SHE: variants seen among roughly 807,000 people sequenced by gnomAD.
The protein encoded by SHE is Src homology 2 domain containing E, also known as SH2 domain-containing adapter protein E.
Under a neutral mutation model 49.8 loss-of-function variants are expected in SHE, and 11 were observed. The observed-to-expected ratio is 0.22, with a 90% CI of 0.14 to 0.37. SHE has a LOEUF of 0.37. SHE is among the 10% of genes least tolerant of loss of function. The pLI, the probability that SHE is intolerant of heterozygous loss-of-function variation, is 1.00. For synonymous variants in SHE, 310 were observed against 278.1 expected, an observed-to-expected ratio of 1.11 and a Z score of -1.14; for missense variants, 624 against 655.5, an observed-to-expected ratio of 0.95 and a Z score of 0.52.
chr1:154,482,853 C>A lies in SHE; in HGVS notation c.*1296G>T. Reference sequence around the variant, plus strand: ...TCTGCTTGGTACAGAACGAGAGAATCTTTGTAGGCTTTAGAGACCCAGTTC... The same window carrying A: ...TCTGCTTGGTACAGAACGAGAGAATATTTGTAGGCTTTAGAGACCCAGTTC... On this transcript the variant is annotated 3_prime_UTR_variant, in exon 6 of 6. Transcript: ENST00000304760. 1.0e-6 allele frequency: 1 copy of A among 985,422 alleles called. No individual in the cohort carries two copies. Among genetic ancestry groups the A allele is most frequent in the South Asian group, 4.7e-5 (1 of 21,286 alleles). 61.0% of individuals were successfully genotyped at this position (985,422 alleles called of 1,614,324 possible).
chr1:154,479,023 T>C (rs901736966), downstream of SHE, among the ~76,000 whole-genome samples: 4 of 152,236 alleles, frequency 2.6e-5, no homozygotes, highest in African/African-American at 9.6e-5. Flanking sequence ...CCAACAGGGC[T>C]TCTCCACCAT....
Position 154,481,654 on chromosome 1 carries a change from G to A in SHE, c.*2495C>T. Reference sequence around the variant, plus strand: ...TATTCCCTTTGTAGAATAAGGTTAAGTAAAAACGTTTCATTTCTAGAATGT... The same window carrying A: ...TATTCCCTTTGTAGAATAAGGTTAAATAAAAACGTTTCATTTCTAGAATGT... On this transcript the variant is annotated 3_prime_UTR_variant, in exon 6 of 6. Transcript: ENST00000304760. The A allele has an allele frequency of 6.1e-6, 6 of 980,632 alleles. No individual in the cohort carries two copies. The highest frequency in any genetic ancestry group is 7.3e-6 in the Non-Finnish European group (6 of 825,670). The allele number at this position is 980,632 out of a possible 1,614,324, so 60.7% of individuals were successfully genotyped here.
intron 2 of SHE, among the ~76,000 whole-genome samples, chr1:154,493,123 C>G (rs1692419251): frequency 6.6e-6 from 1 of 152,200 alleles, no homozygotes; most frequent in Admixed American, 6.5e-5. Context: ...ACTTAGAGTT[C>G]TGGGAGATAC....
At chr1:154,488,095 A>G (rs958330022) in intron 3 of SHE, among the ~76,000 whole-genome samples, 2 of 151,252 alleles carry the variant, frequency 1.3e-5, no homozygotes, top group African/African-American at 4.9e-5. Flanking sequence ...GGTGCGTGCC[A>G]CAACACCCAG....
chr1:154,489,019 A>T, intron 3 of SHE, 32 bp downstream of exon 3: 1 of 1,519,386 alleles, frequency 6.6e-7, no homozygotes, highest in Non-Finnish European at 8.8e-7. Flanking sequence ...GACTGAAGTC[A>T]CACTGGGGCG....
intron 3 of SHE, among the ~76,000 whole-genome samples, chr1:154,488,324 T>C (rs1692247539): frequency 6.6e-6 from 1 of 152,038 alleles, no homozygotes; most frequent in Non-Finnish European, 1.5e-5. Context: ...AGTGGCATGA[T>C]CTCGGCTCAC....
At chr1:154,484,544 A>G in intron 5 of SHE, 1 of 492,098 alleles carries the variant, frequency 2.0e-6, no homozygotes. Context: ...GTTTATCCTT[A>G]TCACATATGA....
chr1:154,489,277 A>G lies in SHE; in HGVS notation c.798T>C (p.Gly266=). 2 of 1,614,144 alleles carry G rather than the reference A, an allele frequency of 1.2e-6. No individual in the cohort carries two copies. Among genetic ancestry groups the G allele is most frequent in the South Asian group, 2.2e-5 (2 of 91,078 alleles). The change falls in exon 3 of 6, where the codon GGT becomes GGC. Residue 266 remains glycine, a synonymous_variant. Coordinates refer to ENST00000304760, the MANE Select transcript of SHE (RefSeq NM_001010846.3). ...TGGCCAAGGTCTCTGATTTCAGGCC[A>G]CCGTCTGCGGGTTCACAGGGACTGT... is the stretch of plus-strand genomic sequence containing the variant. ...LLDSPCEPAD[G]GLKSETLAKR... is the part of the protein sequence containing the mutation.
At chr1:154,494,509 C>T (rs1692464925) in intron 2 of SHE, among the ~76,000 whole-genome samples, 1 of 149,194 alleles carries the variant, frequency 6.7e-6, no homozygotes, top group African/African-American at 2.5e-5. Flanking sequence ...CCACCGGGCC[C>T]GGCAGATGGA....
rs377320266 is a variant in SHE at position 154,489,973 on chromosome 1, G to C, written c.719-617C>G. Among the ~76,000 whole-genome samples, 107 of 152,336 alleles carry C rather than the reference G, an allele frequency of 7.0e-4. 1 individual carries two copies. The highest frequency in any genetic ancestry group is 2.5e-3 in the African/African-American group (104 of 41,586). On this transcript the variant is annotated intron_variant, in intron 2 of 5. Coordinates refer to ENST00000304760, the MANE Select transcript of SHE (RefSeq NM_001010846.3). ...GCTCAAAGTAAAAACCAGAATGGCT[G>C]TATGTGACTCGAAGTACAATTTCTA...
At position 154,501,831 on chromosome 1, in the gene SHE, G is replaced by T; in HGVS notation, c.196C>A (p.Arg66Ser). ...GCGCCGCCCGCCTCCGAGTTCTTGC[G>T]CAATTTGCCGCCGCCGCCCCCGGGC... is the stretch of plus-strand genomic sequence containing the variant. ...AKPGGGGGKL[R>S]KNSEAGGAGP... Residue 66 changes from arginine to serine, a missense_variant, in exon 1 of 6, where the codon CGC becomes AGC. Transcript: ENST00000304760. 1 of 1,546,766 alleles carries T rather than the reference G, an allele frequency of 6.5e-7. No homozygotes were observed. The highest frequency in any genetic ancestry group is 8.7e-7 in the Non-Finnish European group (1 of 1,153,648).
At chr1:154,474,461 T>C (rs1021223785) in intron 1 of SHE, among the ~76,000 whole-genome samples, 12 of 152,212 alleles carry the variant, frequency 7.9e-5, no homozygotes, top group Non-Finnish European at 1.8e-4. Flanking sequence ...GGTTCCTTGG[T>C]ATAAACTTTG....
chr1:154,494,261 C>A (rs999853086), intron 2 of SHE, among the ~76,000 whole-genome samples: 3 of 152,054 alleles, frequency 2.0e-5, no homozygotes, highest in Non-Finnish European at 4.4e-5. Flanking sequence ...TTCAGAAACC[C>A]TGAAATTTAG....
chr1:154,501,476 G>C lies in SHE; in HGVS notation c.551C>G (p.Pro184Arg). ...SASSSPSSLGPELDKGKIIKQ... is the reference protein window; with the variant it reads ...SASSSPSSLGRELDKGKIIKQ... The stretch of plus-strand genomic sequence containing the variant: ...AATAATCTTGCCCTTGTCCAGCTCG[G>C]GCCCCAGGGAGGAAGGGGAAGAGGA... The change falls in exon 1 of 6, where the codon CCC becomes CGC. Residue 184 changes from proline (P) to arginine (R), a missense_variant. This residue lies in a region of SHE where 337 missense variants were observed against 306.0 expected (regional missense o/e 1.10). Coordinates refer to ENST00000304760, the MANE Select transcript of SHE (RefSeq NM_001010846.3). 1.2e-6 allele frequency: 2 copies of C among 1,614,154 alleles called. No individual in the cohort carries two copies. The highest frequency in any genetic ancestry group is 1.7e-6 in the Non-Finnish European group (2 of 1,180,016).
chr1:154,487,043 GC>G (rs1692200987), intron 3 of SHE, among the ~76,000 whole-genome samples: 2 of 152,180 alleles, frequency 1.3e-5, no homozygotes, highest in African/African-American at 4.8e-5. Flanking sequence ...GGAGGCCAAG[GC>G]AGGCAGATCA....
Position 154,501,976 on chromosome 1 carries a change from G to T in SHE, c.51C>A (p.Ser17=). 2 of 1,420,874 alleles carry T rather than the reference G, an allele frequency of 1.4e-6. No homozygotes were observed. The highest frequency in any genetic ancestry group is 1.8e-6 in the Non-Finnish European group (2 of 1,097,432). The allele number at this position is 1,420,874 out of a possible 1,614,324, so 88.0% of individuals were successfully genotyped here. A position where few individuals can be genotyped will look rare whatever the true frequency, so the allele number is the denominator to read the frequency against. ...PGASACLGWA[S]SLACSTAPTL... Reference sequence around the variant, plus strand: ...TCGGGGCCGTGGAGCAGGCGAGCGAGGAAGCCCAGCCCAGACACGCAGAGG... The same window carrying T: ...TCGGGGCCGTGGAGCAGGCGAGCGATGAAGCCCAGCCCAGACACGCAGAGG... Residue 17 remains serine, a synonymous_variant, in exon 1 of 6, where the codon TCC becomes TCA. Transcript: ENST00000304760.
Position 154,489,143 on chromosome 1 carries a change from T to A in SHE, c.932A>T (p.Asp311Val). The A allele has an allele frequency of 1.2e-6, 2 of 1,614,070 alleles. No individual in the cohort carries two copies. Among genetic ancestry groups the A allele is most frequent in the Non-Finnish European group, 8.5e-7 (1 of 1,179,974 alleles). The change falls in exon 3 of 6, where the codon GAC becomes GTC. Residue 311 changes from aspartate to valine, a missense_variant. Coordinates refer to ENST00000304760, the MANE Select transcript of SHE (RefSeq NM_001010846.3). The stretch of plus-strand genomic sequence containing the variant: ...CTCGTCGTTCTCGGGCAGCCGGCTG[T>A]CTGGGGGCCGCGCCTTCCCCTCTGC... The part of the protein sequence containing the change: ...PRAEGKARPP[D>V]SRLPENDERP...
rs1692083286 is a variant in SHE at position 154,483,685 on chromosome 1, G to A, written c.*464C>T. On this transcript the variant is annotated 3_prime_UTR_variant, in exon 6 of 6. Transcript: ENST00000304760. ...GGACAGGCCACAAACAAAGTGTCAT[G>A]GAATCACTTTAAGACCAAAGACTTG... The A allele has an allele frequency of 1.0e-6, 1 of 988,386 alleles. No individual in the cohort carries two copies. The highest frequency in any genetic ancestry group is 6.0e-5 in the Admixed American group (1 of 16,708). 61.2% of individuals were successfully genotyped at this position (988,386 alleles called of 1,614,324 possible).
chr1:154,472,324 T>A (rs1691766095), intron 1 of SHE, among the ~76,000 whole-genome samples: 1 of 152,178 alleles, frequency 6.6e-6, no homozygotes, highest in Non-Finnish European at 1.5e-5. Context: ...GGCAGCGTGT[T>A]TTCCTGCAGA....
Sources: allele counts gnomAD v4.1 joint callset (sites outside exome capture counted in the v4.1 genomes callset), GRCh38; gene constraint gnomAD v4.1.1; regional missense constraint gnomAD v4.1.1; transcripts MANE v1.5; gene names NCBI Gene and HGNC (gene_info 2026-07-23, HGNC 2026-07-21).